The following MACROD2 variants were observed in gnomAD, a reference collection of about 807,000 sequenced individuals.
MACROD2 encodes ADP-ribose glycohydrolase MACROD2.
Under a neutral mutation model 70.4 loss-of-function variants are expected in MACROD2, and 36 were observed. The ratio of observed to expected loss-of-function variants is 0.51; its 90% CI spans 0.39 to 0.68. The LOEUF (loss-of-function observed/expected upper bound fraction) is 0.68, where lower values mean the gene tolerates loss of function less well. Among genes scored for constraint, MACROD2 ranks in the 30% least tolerant of loss-of-function variants. MACROD2 has a pLI of 0.00. For synonymous variants in MACROD2, 172 were observed against 178.8 expected (o/e 0.96, Z 0.30); for missense variants, 496 against 538.4 (o/e 0.92, Z 0.78).
intron 3 of MACROD2, among the ~76,000 whole-genome samples, chr20:14,112,222 TG>T (rs2054460639): frequency 6.6e-6 from 1 of 151,626 alleles, no homozygotes; most frequent in African/African-American, 2.4e-5. Context: ...GGAAGGGTAG[TG>T]GGGGGTTGGA....
chr20:15,094,594 A>G (rs1198706525), intron 5 of MACROD2, among the ~76,000 whole-genome samples: 1 of 151,978 alleles, frequency 6.6e-6, no homozygotes, highest in Non-Finnish European at 1.5e-5. Flanking sequence ...TGAAGTTTTT[A>G]TTTGTTTGTT....
intron 4 of MACROD2, among the ~76,000 whole-genome samples, chr20:14,601,908 C>G (rs973884072): frequency 1.2e-4 from 18 of 152,172 alleles, no homozygotes; most frequent in African/African-American, 3.6e-4. Flanking sequence ...TAGTTAATTT[C>G]CTTTTCTGGG....
At chr20:15,045,897 A>G (rs1053977272) in intron 5 of MACROD2, among the ~76,000 whole-genome samples, 1 of 151,974 alleles carries the variant, frequency 6.6e-6, no homozygotes, top group African/African-American at 2.4e-5. Flanking sequence ...GGAGAGCAGT[A>G]TTTCTGAGGG....
chr20:14,579,605 T>C (rs1011357285), intron 4 of MACROD2, among the ~76,000 whole-genome samples: 3 of 152,246 alleles, frequency 2.0e-5, no homozygotes, highest in South Asian at 2.1e-4. Flanking sequence ...TTGTTCTTAA[T>C]AGAAAGTTGG....
At chr20:15,000,768 G>C (rs982783955) in intron 5 of MACROD2, among the ~76,000 whole-genome samples, 1 of 151,636 alleles carries the variant, frequency 6.6e-6, no homozygotes, top group African/African-American at 2.4e-5. Context: ...GAAATTTCTG[G>C]AGCAAATATG....
chr20:15,576,997 C>T (rs1180020726), intron 8 of MACROD2, among the ~76,000 whole-genome samples: 1 of 152,118 alleles, frequency 6.6e-6, no homozygotes, highest in Non-Finnish European at 1.5e-5. Flanking sequence ...GGAAACACTT[C>T]ATACACTTGC....
intron 3 of MACROD2, among the ~76,000 whole-genome samples, chr20:14,423,588 T>G (rs1436334101): frequency 6.7e-6 from 1 of 150,210 alleles, no homozygotes; most frequent in East Asian, 2.1e-4. Flanking sequence ...TAGTCCCAGC[T>G]ACTCGGGAGG....
rs79945616 is a variant in MACROD2 at position 14,941,403 on chromosome 20, G to A, written c.418+256444G>A. 7.1e-3 allele frequency among the ~76,000 whole-genome samples: 1,078 copies of A among 152,136 alleles called. 13 individuals carry two copies. The highest frequency in any genetic ancestry group is 0.024 in the African/African-American group (1,002 of 41,498). On this transcript the variant is annotated intron_variant, in intron 5 of 17. Transcript: ENST00000684519. Reference sequence around the variant, plus strand: ...TTCCTGTGGCTTGAAACAGGGACAGGTCTCCTGCTAGGGAACCCAATATGG... The same window carrying A: ...TTCCTGTGGCTTGAAACAGGGACAGATCTCCTGCTAGGGAACCCAATATGG...
intron 7 of MACROD2, among the ~76,000 whole-genome samples, chr20:15,464,437 A>C (rs551050981): frequency 4.7e-4 from 71 of 152,334 alleles, no homozygotes; most frequent in African/African-American, 1.6e-3. Context: ...CTATCTGTGC[A>C]ATATCACTGT....
intron 5 of MACROD2, among the ~76,000 whole-genome samples, chr20:14,768,039 T>G (rs1204208777): frequency 1.3e-5 from 2 of 152,192 alleles, no homozygotes; most frequent in Admixed American, 1.3e-4. Flanking sequence ...AGTCTATCGT[T>G]GTTGGACATT....
intron 5 of MACROD2, among the ~76,000 whole-genome samples, chr20:14,971,451 G>GT (rs1172192513): frequency 9.0e-6 from 1 of 111,404 alleles, no homozygotes; most frequent in Non-Finnish European, 1.9e-5. Context: ...GGTAAAGGGA[G>GT]GGGGGGGACT....
At position 14,222,825 on chromosome 20, in the gene MACROD2, A is replaced by G. The variant is rs1288575581; in HGVS notation, c.271+137097A>G. Among the ~76,000 whole-genome samples, 95 of 56,394 alleles carry G rather than the reference A, an allele frequency of 1.7e-3. 2 individuals are homozygous for G. The highest frequency in any genetic ancestry group is 0.015 in the South Asian group (40 of 2,626). 37.0% of individuals were successfully genotyped at this position (56,394 alleles called of 152,430 possible). Reference sequence around the variant, plus strand: ...CCTTTGGATTTCTGAAAAAAAAAAAAAAAAAAAAAAAAAAAAAGAATTGAG... The same window carrying G: ...CCTTTGGATTTCTGAAAAAAAAAAAGAAAAAAAAAAAAAAAAAGAATTGAG... On this transcript the variant is annotated intron_variant, in intron 3 of 17. Transcript: ENST00000684519.
chr20:15,832,617 G>A (rs992317596), intron 8 of MACROD2, among the ~76,000 whole-genome samples: 3 of 152,200 alleles, frequency 2.0e-5, no homozygotes, highest in Non-Finnish European at 1.5e-5. Context: ...AAATTGCCAG[G>A]CTTCTGTCAG....
At chr20:15,853,941 C>G (rs1408710266) in intron 8 of MACROD2, among the ~76,000 whole-genome samples, 3 of 152,136 alleles carry the variant, frequency 2.0e-5, no homozygotes, top group South Asian at 4.1e-4. Context: ...TGTTCAAGGT[C>G]ACAGGTAAAT....
At chr20:14,981,610 A>G (rs961847347) in intron 5 of MACROD2, among the ~76,000 whole-genome samples, 1 of 151,942 alleles carries the variant, frequency 6.6e-6, no homozygotes, top group African/African-American at 2.4e-5. Context: ...TGTTCTTGTG[A>G]TAGTGAATAA....
chr20:14,091,558 CT>C (rs1179628341), intron 3 of MACROD2, among the ~76,000 whole-genome samples: 1 of 152,082 alleles, frequency 6.6e-6, no homozygotes, highest in African/African-American at 2.4e-5. Context: ...ATCATCCACA[CT>C]GTGTATATAT....
At chr20:15,642,608 ACACAC>A (rs1240594147) in intron 8 of MACROD2, among the ~76,000 whole-genome samples, 1 of 84,496 alleles carries the variant, frequency 1.2e-5, no homozygotes, top group East Asian at 4.9e-4. Flanking sequence ...ACACACACAC[ACACAC>A]ACACACACAC....
intron 6 of MACROD2, among the ~76,000 whole-genome samples, chr20:15,338,191 C>G (rs796800693): frequency 6.6e-6 from 1 of 151,674 alleles, no homozygotes; most frequent in African/African-American, 2.4e-5. Context: ...CCCAATTAGA[C>G]TGTAATATTA....
intron 8 of MACROD2, among the ~76,000 whole-genome samples, chr20:15,631,963 C>G (rs1489092176): frequency 1.3e-5 from 2 of 152,010 alleles, no homozygotes; most frequent in Non-Finnish European, 1.5e-5. Flanking sequence ...CATAGTGAAA[C>G]CCCGTCTCTA....
Sources: allele counts gnomAD v4.1 joint callset (sites outside exome capture counted in the v4.1 genomes callset), GRCh38; gene constraint gnomAD v4.1.1; transcripts MANE v1.5; gene names NCBI Gene and HGNC (gene_info 2026-07-23, HGNC 2026-07-21).